GALK2: variants seen among roughly 807,000 people sequenced by gnomAD.
The protein encoded by GALK2 is N-acetylgalactosamine kinase.
A neutral mutation model predicts 52.4 loss-of-function variants in GALK2; 36 were observed. That is an observed-to-expected ratio of 0.69 (90% confidence interval 0.53 to 0.91). The LOEUF (loss-of-function observed/expected upper bound fraction) is 0.91, where lower values mean the gene tolerates loss of function less well. Ranked by LOEUF, GALK2 falls within the 40% of genes least tolerant of loss-of-function variation. The probability of loss-of-function intolerance (pLI) is 0.00; values close to 1 mark genes in which losing one functional copy is unlikely to be tolerated. For missense variants in GALK2, 579 were observed against 559.1 expected (o/e 1.04, Z -0.36); for synonymous variants, 176 against 199.1 (o/e 0.88, Z 0.98).
intron 8 of GALK2, among the ~76,000 whole-genome samples, chr15:49,296,938 G>C (rs991243390): frequency 2.0e-5 from 3 of 152,182 alleles, no homozygotes; most frequent in Admixed American, 1.3e-4. Flanking sequence ...ATTCATTTGG[G>C]TATATACCCA....
intron 3 of GALK2, among the ~76,000 whole-genome samples, chr15:49,355,233 G>A (rs965293436): frequency 6.6e-6 from 1 of 152,236 alleles, no homozygotes; most frequent in Non-Finnish European, 1.5e-5. Flanking sequence ...GAACAAAGCT[G>A]GATGGAGAAT....
rs954080245 is a variant in GALK2 at position 49,192,978 on chromosome 15, A to G, written c.54-8184A>G. ...GGTCATTATGAAACTATCTTTTGTT[A>G]TGAATTTTCTGTTTATACCTTTTTT... is the stretch of plus-strand genomic sequence containing the variant. On this transcript the variant is annotated intron_variant, in intron 1 of 9. Transcript: ENST00000560031. 2.1e-5 allele frequency among the ~76,000 whole-genome samples: 3 copies of G among 142,596 alleles called. 1 individual carries two copies. The highest frequency in any genetic ancestry group is 7.6e-3 in the Middle Eastern group (2 of 262). The allele number at this position is 142,596 out of a possible 152,430, so 93.5% of individuals were successfully genotyped here.
At chr15:49,336,071 G>A (rs1402097072), downstream of GALK2, among the ~76,000 whole-genome samples, 2 of 152,154 alleles carry the variant, frequency 1.3e-5, no homozygotes, top group Non-Finnish European at 2.9e-5. Flanking sequence ...GCCTCCCAAA[G>A]TATTGGGATT....
chr15:49,159,575 CAAAAA>C (rs71458473), intron 1 of GALK2, among the ~76,000 whole-genome samples: 5 of 130,086 alleles, frequency 3.8e-5, no homozygotes, highest in Admixed American at 7.4e-5. Context: ...GACTCTGTCT[CAAAAA>C]AAAAAAAAAA....
chr15:49,262,722 C>T (rs1453609112), intron 5 of GALK2, among the ~76,000 whole-genome samples: 1 of 145,340 alleles, frequency 6.9e-6, no homozygotes, highest in Non-Finnish European at 1.5e-5. Context: ...ATAAATTTCC[C>T]TCTACACACT....
intron 1 of GALK2, among the ~76,000 whole-genome samples, chr15:49,195,400 A>G (rs2087135221): frequency 6.6e-6 from 1 of 152,188 alleles, no homozygotes; most frequent in Non-Finnish European, 1.5e-5. Context: ...GTCTTTCAAG[A>G]ATGTTTAAAA....
chr15:49,170,794 TAAAAC>T (rs1288821466), intron 1 of GALK2, among the ~76,000 whole-genome samples: 2 of 152,102 alleles, frequency 1.3e-5, no homozygotes, highest in Non-Finnish European at 2.9e-5. Flanking sequence ...GCATCCTCTT[TAAAAC>T]AAAACAAAAC....
exon 4 of GALK2, chr15:49,367,595 C>T (rs781332253): frequency 6.3e-7 from 1 of 1,584,398 alleles, no homozygotes; most frequent in Non-Finnish European, 8.5e-7. Context: ...TGGACCAGTA[C>T]TACTATAGTG....
intron 8 of GALK2, among the ~76,000 whole-genome samples, chr15:49,299,788 T>C (rs1028433690): frequency 1.7e-4 from 24 of 142,330 alleles, no homozygotes; most frequent in African/African-American, 2.4e-4. Context: ...TCTTTCTTTC[T>C]TTCTTTCGTG....
intron 1 of GALK2, among the ~76,000 whole-genome samples, chr15:49,195,701 A>G (rs1206331412): frequency 1.3e-5 from 2 of 152,196 alleles, no homozygotes; most frequent in African/African-American, 4.8e-5. Flanking sequence ...AAGCTGGTCC[A>G]AAACTGGTTT....
chr15:49,284,523 A>T (rs1299583258), intron 7 of GALK2, among the ~76,000 whole-genome samples: 2 of 152,178 alleles, frequency 1.3e-5, no homozygotes, highest in Non-Finnish European at 2.9e-5. Context: ...GAGGCTAGGA[A>T]GTGGATTCTG....
In GALK2 at chr15:49,319,584, C is replaced by G. The variant is rs760424211; in HGVS notation, c.968-20C>G. On this transcript the variant is annotated intron_variant, in intron 8 of 9. Coordinates refer to ENST00000560031, the MANE Select transcript of GALK2 (RefSeq NM_002044.4). Reference sequence around the variant, plus strand: ...CAGTAACTATTCCTAACCTCCTTCCCCATCCTCTTCCTTCCTCAGTGCTCA... The same window carrying G: ...CAGTAACTATTCCTAACCTCCTTCCGCATCCTCTTCCTTCCTCAGTGCTCA... 20 of 1,611,050 alleles carry G rather than the reference C, an allele frequency of 1.2e-5. No individual in the cohort carries two copies. The South Asian group carries it at 2.2e-4, about 18-fold the overall frequency.
At chr15:49,220,561 T>G (rs1427928898) in intron 3 of GALK2, among the ~76,000 whole-genome samples, 1 of 152,190 alleles carries the variant, frequency 6.6e-6, no homozygotes, top group Admixed American at 6.5e-5. Context: ...AGGTATCCCC[T>G]TGATATACTG....
At chr15:49,231,553 C>T (rs543816258) in intron 3 of GALK2, among the ~76,000 whole-genome samples, 1 of 152,338 alleles carries the variant, frequency 6.6e-6, no homozygotes, top group Admixed American at 6.5e-5. Flanking sequence ...CATTAACTTA[C>T]AAGTCCACAG....
chr15:49,297,357 A>G (rs1439004361), intron 8 of GALK2, among the ~76,000 whole-genome samples: 1 of 152,118 alleles, frequency 6.6e-6, no homozygotes, highest in Non-Finnish European at 1.5e-5. Context: ...TAGTTTGCAA[A>G]AATTTTATCC....
chr15:49,266,710 C>G (rs1419985634), intron 5 of GALK2, among the ~76,000 whole-genome samples: 1 of 152,190 alleles, frequency 6.6e-6, no homozygotes. Flanking sequence ...CAGGTACCCA[C>G]TCCTGGATCT....
chr15:49,192,508 T>G (rs939459475), intron 1 of GALK2, among the ~76,000 whole-genome samples: 1 of 138,110 alleles, frequency 7.2e-6, no homozygotes, highest in East Asian at 2.1e-4. Context: ...TATATATATA[T>G]ATATATATAT....
chr15:49,339,361 T>C (rs2040313655), intron 3 of GALK2, among the ~76,000 whole-genome samples: 1 of 152,222 alleles, frequency 6.6e-6, no homozygotes, highest in Admixed American at 6.5e-5. Context: ...CCTTTCTGTT[T>C]GTTAGTTTTC....
intron 3 of GALK2, chr15:49,365,348 A>C (rs547265580): frequency 2.2e-5 from 34 of 1,532,168 alleles, no homozygotes; most frequent in Non-Finnish European, 3.0e-5. Context: ...TATCATGCCA[A>C]TAGCATAGGC....
Sources: allele counts gnomAD v4.1 joint callset (sites outside exome capture counted in the v4.1 genomes callset), GRCh38; gene constraint gnomAD v4.1.1; transcripts MANE v1.5; gene names NCBI Gene and HGNC (gene_info 2026-07-23, HGNC 2026-07-21).